C12orf42: variants seen among roughly 807,000 people sequenced by gnomAD.
C12orf42 encodes the protein uncharacterized protein C12orf42.
A neutral mutation model predicts 21.6 loss-of-function variants in C12orf42; 25 were observed. That is an observed-to-expected ratio of 1.16 (90% CI 0.84 to 1.62). The LOEUF (loss-of-function observed/expected upper bound fraction) is 1.62, where lower values mean the gene tolerates loss of function less well. C12orf42 is among the 40% of genes most tolerant of loss of function. The pLI is 0.00. For synonymous variants in C12orf42, 174 were observed against 175.0 expected (o/e 0.99, Z 0.05); for missense variants, 483 against 459.3 (o/e 1.05, Z -0.47).
chr12:103,412,631 C>A (rs1283386142), intron 2 of C12orf42, among the ~76,000 whole-genome samples: 3 of 152,140 alleles, frequency 2.0e-5, no homozygotes, highest in Admixed American at 2.0e-4. Context: ...TTACTGCAAA[C>A]CTAAATTGCA....
the C12orf42 span, among the ~76,000 whole-genome samples, chr12:103,531,975 C>T: frequency 4.8e-4 from 73 of 152,290 alleles, no homozygotes; most frequent in Non-Finnish European, 8.8e-4. Context: ...AAGGCAGACT[C>T]TGCTGCAATG....
At chr12:103,203,135 A>G in the C12orf42 span, among the ~76,000 whole-genome samples, 6 of 152,118 alleles carry the variant, frequency 3.9e-5, no homozygotes, top group East Asian at 1.2e-3. Flanking sequence ...GGATATGGAG[A>G]CCCACCTTTC....
chr12:103,203,003 G>A, the C12orf42 span, among the ~76,000 whole-genome samples: 1 of 152,202 alleles, frequency 6.6e-6, no homozygotes, highest in African/African-American at 2.4e-5. Flanking sequence ...GAGGATGACT[G>A]ACTCAAGATT....
At chr12:103,357,648 G>A (rs1262113003) in intron 4 of C12orf42, among the ~76,000 whole-genome samples, 2 of 151,994 alleles carry the variant, frequency 1.3e-5, no homozygotes, top group African/African-American at 4.8e-5. Context: ...CCACTGATGA[G>A]GGAATAACAT....
chr12:103,185,392 T>A, the C12orf42 span, among the ~76,000 whole-genome samples: 1 of 152,208 alleles, frequency 6.6e-6, no homozygotes, highest in Non-Finnish European at 1.5e-5. Flanking sequence ...TCCACTGTAG[T>A]TGCAGGTGAA....
intron 2 of C12orf42, among the ~76,000 whole-genome samples, chr12:103,402,816 G>C (rs75729462): frequency 6.6e-6 from 1 of 152,164 alleles, no homozygotes; most frequent in Admixed American, 6.5e-5. Flanking sequence ...ATGTTGACAC[G>C]AGAAGTAGAA....
chr12:103,356,791 T>C (rs2043605120), intron 4 of C12orf42, among the ~76,000 whole-genome samples: 1 of 152,106 alleles, frequency 6.6e-6, no homozygotes, highest in African/African-American at 2.4e-5. Context: ...GTGAGCATTT[T>C]TTCACGTGTT....
At chr12:103,257,169 T>A (rs1356970844) in intron 10 of C12orf42, among the ~76,000 whole-genome samples, 3 of 151,950 alleles carry the variant, frequency 2.0e-5, no homozygotes, top group East Asian at 1.9e-4. Context: ...CATGGACACA[T>A]AGAGGGAAAC....
chr12:103,201,331 C>A, the C12orf42 span, among the ~76,000 whole-genome samples: 1 of 152,068 alleles, frequency 6.6e-6, no homozygotes, highest in Non-Finnish European at 1.5e-5. Flanking sequence ...TTTTTTGGTG[C>A]AAGTTTGGCT....
In C12orf42 at chr12:103,449,743, C is replaced by G. The variant is rs145623975; in HGVS notation, c.78+28606G>C. ...TAATTTATTTTTCTTCAGGAGTATCCTGGTCATTCCTGACTTTTTGTTCTC... is the reference window on the plus strand; with the variant it reads ...TAATTTATTTTTCTTCAGGAGTATCGTGGTCATTCCTGACTTTTTGTTCTC... On this transcript the variant is annotated intron_variant, in intron 2 of 5. Coordinates refer to ENST00000548883, the MANE Select transcript of C12orf42 (RefSeq NM_198521.5). Among the ~76,000 whole-genome samples, 1,351 of 150,606 alleles carry G rather than the reference C, an allele frequency of 9.0e-3. 10 individuals carry two copies. The highest frequency in any genetic ancestry group is 0.014 in the Non-Finnish European group (981 of 67,748).
chr12:103,437,527 AAGAG>A (rs1331489955), intron 2 of C12orf42, among the ~76,000 whole-genome samples: 2 of 152,178 alleles, frequency 1.3e-5, no homozygotes, highest in South Asian at 2.1e-4. Flanking sequence ...TAAAGAAAAA[AAGAG>A]AGAAGAATCA....
In C12orf42 at chr12:103,273,849, A is replaced by T. The variant is rs773566815; in HGVS notation, n.398+3301T>A. The T allele has an allele frequency of 4.4e-4, 201 of 456,350 alleles. 2 individuals are homozygous for T. The highest frequency in any genetic ancestry group is 3.9e-3 in the Middle Eastern group (12 of 3,074). 28.3% of individuals were successfully genotyped at this position (456,350 alleles called of 1,614,324 possible). A position where few individuals can be genotyped will look rare whatever the true frequency, so the allele number is the denominator to read the frequency against. ...TATGTGAGCAGTTTCAGACTGATGC[A>T]CTCACAGCAGGTCTCCTCATAGTGG... On this transcript the variant is annotated intron_variant and non_coding_transcript_variant, in intron 5 of 6. Transcript: ENST00000546526.
the C12orf42 span, among the ~76,000 whole-genome samples, chr12:103,141,130 T>C: frequency 3.3e-5 from 5 of 152,192 alleles, no homozygotes; most frequent in Admixed American, 1.3e-4. Flanking sequence ...TAGCCACCTG[T>C]AATCTTTACT....
the C12orf42 span, among the ~76,000 whole-genome samples, chr12:103,224,899 T>C: frequency 1.3e-4 from 20 of 152,278 alleles, no homozygotes; most frequent in African/African-American, 4.8e-4. Context: ...GTTGTTGTTT[T>C]GTAAGGGATT....
chr12:103,285,446 T>A (rs1034285436), intron 4 of C12orf42, among the ~76,000 whole-genome samples: 1 of 152,214 alleles, frequency 6.6e-6, no homozygotes. Flanking sequence ...GGAATATACC[T>A]CTTTCTAGTT....
At chr12:103,329,042 T>C (rs1312366880) in intron 4 of C12orf42, among the ~76,000 whole-genome samples, 1 of 151,852 alleles carries the variant, frequency 6.6e-6, no homozygotes, top group Non-Finnish European at 1.5e-5. Context: ...TGACATGCAG[T>C]GATAAGCGCA....
the C12orf42 span, among the ~76,000 whole-genome samples, chr12:103,092,942 T>C: frequency 1.3e-5 from 2 of 152,190 alleles, no homozygotes; most frequent in Admixed American, 6.5e-5. Context: ...CACTTCTGAC[T>C]CCTCTCACCA....
chr12:103,490,296 T>C (rs1328095954), intron 1 of C12orf42, among the ~76,000 whole-genome samples: 1 of 152,240 alleles, frequency 6.6e-6, no homozygotes, highest in South Asian at 2.1e-4. Context: ...TGCCAGCTCA[T>C]AAATGCATCT....
At chr12:103,480,537 T>C (rs1175251930) in intron 1 of C12orf42, among the ~76,000 whole-genome samples, 1 of 151,722 alleles carries the variant, frequency 6.6e-6, no homozygotes, top group Non-Finnish European at 1.5e-5. Flanking sequence ...ATTCACTGTT[T>C]AGTCTTCTTT....
Sources: gnomAD v4.1 joint callset for allele counts (sites outside exome capture counted in the v4.1 genomes callset) on GRCh38, gnomAD v4.1.1 for gene constraint, MANE v1.5 for transcripts, NCBI Gene and HGNC (gene_info 2026-07-23, HGNC 2026-07-21) for gene names.